The following ADAMTS7 variants were observed in gnomAD, a reference collection of about 807,000 sequenced individuals.
ADAMTS7 encodes ADAM metallopeptidase with thrombospondin type 1 motif 7.
A neutral mutation model predicts 172.6 loss-of-function variants in ADAMTS7; 89 were observed. That is an observed-to-expected ratio of 0.52 (90% confidence interval 0.43 to 0.61). The LOEUF is 0.61. ADAMTS7 is among the 20% of genes least tolerant of loss of function. The pLI, the probability that ADAMTS7 is intolerant of heterozygous loss-of-function variation, is 0.00. For synonymous variants in ADAMTS7, 885 were observed against 978.4 expected (o/e 0.90, Z 1.78); for missense variants, 1,973 against 2,355.6 (o/e 0.84, Z 3.36).
intron 8 of ADAMTS7, among the ~76,000 whole-genome samples, chr15:78,782,590 G>A (rs1264609086): frequency 2.0e-5 from 3 of 152,208 alleles, no homozygotes; most frequent in South Asian, 2.1e-4. Context: ...AATCCATAAG[G>A]GGTGATGATG....
chr15:78,806,997 C>T (rs1376078106), intron 1 of ADAMTS7, among the ~76,000 whole-genome samples: 1 of 152,158 alleles, frequency 6.6e-6, no homozygotes, highest in Non-Finnish European at 1.5e-5. Context: ...GAACTCCTGA[C>T]CTCAGGTGAT....
Position 78,768,115 on chromosome 15 carries a change from G to T in ADAMTS7, c.2645+18C>A. 1 of 1,523,808 alleles carries T rather than the reference G, an allele frequency of 6.6e-7. No homozygotes were observed. The allele number at this position is 1,523,808 out of a possible 1,614,324, so 94.4% of individuals were successfully genotyped here. ...GGGGATGGGGTGGGGAGTTGGCGGG[G>T]GATGGGGGCGGGCTCACCTGGCAGG... On this transcript the variant is annotated intron_variant, in intron 17 of 23. Coordinates refer to ENST00000388820, the MANE Select transcript of ADAMTS7 (RefSeq NM_014272.5).
intron 1 of ADAMTS7, among the ~76,000 whole-genome samples, chr15:78,806,127 CAAAAAAAAAAAAAAAA>C (rs1169680816): frequency 6.0e-4 from 14 of 23,266 alleles, no homozygotes; most frequent in Admixed American, 1.7e-3. Context: ...CACACACACA[CAAAAAAAAAAAAAAAA>C]AAAAAAAAAA....
At chr15:78,778,753 G>A (rs12913260) in intron 8 of ADAMTS7, among the ~76,000 whole-genome samples, 43,933 of 152,072 alleles carry the variant, frequency 0.29, 7,869 homozygotes, top group Non-Finnish European at 0.42. Context: ...GGCAGGTGGC[G>A]CCAGGACAGA....
chr15:78,789,247 A>C (rs2141507834), intron 7 of ADAMTS7, among the ~76,000 whole-genome samples: 1 of 152,350 alleles, frequency 6.6e-6, no homozygotes, highest in East Asian at 1.9e-4. Flanking sequence ...AGATAGAGGG[A>C]GCCTTGGACA....
At chr15:78,764,173 C>G in intron 20 of ADAMTS7, 74 bp from the exon 21 acceptor site, 1 of 1,367,880 alleles carries the variant, frequency 7.3e-7, no homozygotes, top group Non-Finnish European at 9.5e-7. Flanking sequence ...AGGTGTGTGG[C>G]GGGAAAGGCA....
In ADAMTS7 at chr15:78,798,055, G is replaced by A. The variant is rs776673247; in HGVS notation, c.515C>T (p.Pro172Leu). The A allele has an allele frequency of 5.1e-6, 8 of 1,570,678 alleles. No individual in the cohort carries two copies. Among genetic ancestry groups the A allele is most frequent in the East Asian group, 2.4e-5 (1 of 42,272 alleles). Residue 172 changes from proline to leucine, a missense_variant, in exon 3 of 24, where the codon CCG becomes CTG. By Grantham distance (98) the Pro-to-Leu change is moderately conservative. Around this residue, in one of 8 missense-constraint regions of ADAMTS7, gnomAD observed 306 missense variants for 288.0 expected, o/e 1.06. Coordinates refer to ENST00000388820, the MANE Select transcript of ADAMTS7 (RefSeq NM_014272.5). The stretch of plus-strand genomic sequence containing the variant: ...GGGCTGGGCGTGGCCAGGCCGGGCC[G>A]GGGCACTGTCCAGGGGCTCAATGAA... ...DYFIEPLDSA[P>L]ARPGHAQPHV...
chr15:78,806,133 A>C (rs1383226205), intron 1 of ADAMTS7, among the ~76,000 whole-genome samples: 610 of 49,362 alleles, frequency 0.012, 4 homozygotes, highest in African/African-American at 0.022. Flanking sequence ...CACACAAAAA[A>C]AAAAAAAAAA....
chr15:78,799,817 CTTTTTCTT>C (rs2055694067), intron 2 of ADAMTS7, among the ~76,000 whole-genome samples: 1 of 151,166 alleles, frequency 6.6e-6, no homozygotes, highest in Non-Finnish European at 1.5e-5. Context: ...ATTAAACTCT[CTTTTTCTT>C]TTTCTTTCTT....
rs2055114334 is a variant in ADAMTS7, at chr15:78,764,824, G to C, written c.4267-117C>G. 2.5e-6 allele frequency: 3 copies of C among 1,184,246 alleles called. No individual in the cohort carries two copies. In the East Asian group the frequency reaches 8.9e-5, roughly 35 times the overall value. The allele number at this position is 1,184,246 out of a possible 1,614,324, so 73.4% of individuals were successfully genotyped here. On this transcript the variant is annotated intron_variant, in intron 19 of 23. Coordinates refer to ENST00000388820, the MANE Select transcript of ADAMTS7 (RefSeq NM_014272.5). The stretch of plus-strand genomic sequence containing the variant: ...CAGCAAGACAGGGGCCCTCTTCTGG[G>C]CCTCAGTTTCCTTATTTGCAAAATA...
At position 78,766,538 on chromosome 15, in the gene ADAMTS7, G is replaced by T. The variant is rs199506661; in HGVS notation, c.3373C>A (p.Leu1125Met). Residue 1125 changes from leucine to methionine, a missense_variant, in exon 19 of 24, where the codon CTG becomes ATG. By Grantham distance (15) the Leu-to-Met change is conservative. Around this residue, in one of 8 missense-constraint regions of ADAMTS7, gnomAD observed 771 missense variants for 952.6 expected, o/e 0.81. Coordinates refer to ENST00000388820, the MANE Select transcript of ADAMTS7 (RefSeq NM_014272.5). ...EPPAAKEEGVLGPWSPSPWPS... is the reference protein window; with the variant it reads ...EPPAAKEEGVMGPWSPSPWPS... ...CAAGGGCTCGGGGACCAAGGTCCCA[G>T]TACCCCCTCCTCCTTGGCTGCAGGA... The T allele has an allele frequency of 6.6e-3, 10,265 of 1,559,350 alleles. 437 individuals carry two copies. The highest frequency in any genetic ancestry group is 7.9e-3 in the Admixed American group (452 of 57,296).
intron 4 of ADAMTS7, among the ~76,000 whole-genome samples, chr15:78,792,406 C>G (rs1052276447): frequency 6.6e-6 from 1 of 152,190 alleles, no homozygotes; most frequent in African/African-American, 2.4e-5. Context: ...CCATATTCTG[C>G]GGCCCCTCCA....
rs769014986 is a variant in ADAMTS7 at position 78,776,363 on chromosome 15, C to T, written c.1561-30G>A. The T allele has an allele frequency of 8.7e-6, 14 of 1,600,606 alleles. No individual in the cohort carries two copies. The South Asian group carries it at 1.1e-4, about 13-fold the overall frequency. ...TGAGACAGACGGAGGTAGAGCCACC[C>T]CACCCCCAAGTCTATCAGTCATCCT... On this transcript the variant is annotated intron_variant, in intron 10 of 23. Transcript: ENST00000388820.
chr15:78,760,541 G>A (rs1018224775), intron 23 of ADAMTS7, among the ~76,000 whole-genome samples: 1 of 152,022 alleles, frequency 6.6e-6, no homozygotes, highest in Non-Finnish European at 1.5e-5. Flanking sequence ...CATCCTGGTC[G>A]CCCGGGGTGA....
At chr15:78,789,611 C>T in intron 7 of ADAMTS7, 78 bp downstream of exon 7, 14 of 1,563,808 alleles carry the variant, frequency 9.0e-6, no homozygotes, top group Non-Finnish European at 1.2e-5. Context: ...TTGTGACCCA[C>T]AGGCTGGATA....
In ADAMTS7 at chr15:78,779,379, G is replaced by A. The variant is rs563446248; in HGVS notation, c.1323-1791C>T. ...GCCCATAGGTCACTGGCCCCGGGTC[G>A]CACAAGAGAGATGTGATGGCCAGGA... On this transcript the variant is annotated intron_variant, in intron 8 of 23. Coordinates refer to ENST00000388820, the MANE Select transcript of ADAMTS7 (RefSeq NM_014272.5). Among the ~76,000 whole-genome samples, 59 of 152,114 alleles carry A rather than the reference G, an allele frequency of 3.9e-4. 1 individual carries two copies. Among genetic ancestry groups the A allele is most frequent in the Non-Finnish European group, 6.6e-4 (45 of 67,998 alleles).
intron 1 of ADAMTS7, among the ~76,000 whole-genome samples, chr15:78,803,943 T>A (rs2055757685): frequency 6.6e-6 from 1 of 152,202 alleles, no homozygotes; most frequent in South Asian, 2.1e-4. Flanking sequence ...AAAGTAAATA[T>A]GTAATATTTT....
At chr15:78,768,898 C>G (rs2055203303) in intron 16 of ADAMTS7, among the ~76,000 whole-genome samples, 1 of 152,182 alleles carries the variant, frequency 6.6e-6, no homozygotes, top group Admixed American at 6.5e-5. Context: ...AATGAAAGCC[C>G]GATTCCCTCT....
At position 78,789,929 on chromosome 15, in the gene ADAMTS7, T is replaced by C; in HGVS notation, c.1029-91A>G. On this transcript the variant is annotated intron_variant, in intron 6 of 23. Transcript: ENST00000388820. ...CCAGGGAAGGGTCCCCCCGAATTGA[T>C]CCCAAGCGAAAAGGATGTCTCTCCC... 3.4e-6 allele frequency: 5 copies of C among 1,472,902 alleles called. No homozygotes were observed. In the South Asian group the frequency reaches 6.8e-5, roughly 20 times the overall value. 91.2% of individuals were successfully genotyped at this position (1,472,902 alleles called of 1,614,324 possible).
Sources: gnomAD v4.1 joint callset for allele counts (sites outside exome capture counted in the v4.1 genomes callset) on GRCh38, gnomAD v4.1.1 for gene constraint, gnomAD v4.1.1 regional missense constraint, MANE v1.5 for transcripts, NCBI Gene and HGNC (gene_info 2026-07-23, HGNC 2026-07-21) for gene names.